Variants in CALN1 observed in about 807,000 individuals in gnomAD.
The protein encoded by CALN1 is calcium-binding protein 8.
CALN1 carries 17 observed loss-of-function variants against 30.6 expected under a neutral mutation model. The observed-to-expected ratio is 0.56, with a 90% CI of 0.38 to 0.83. The LOEUF (loss-of-function observed/expected upper bound fraction) is 0.83. Among genes scored for constraint, CALN1 ranks in the 40% least tolerant of loss-of-function variants. The pLI is 0.00. For synonymous variants in CALN1, 156 were observed against 131.4 expected (o/e 1.19, Z -1.28); for missense variants, 291 against 354.9 (o/e 0.82, Z 1.45).
Position 72,295,241 on chromosome 7 carries a change from AT to A in CALN1, c.120-16432del, listed in dbSNP as rs752813446. 4.7e-4 allele frequency among the ~76,000 whole-genome samples: 71 copies of A among 152,214 alleles called. 1 individual carries two copies. The highest frequency in any genetic ancestry group is 8.2e-4 in the Non-Finnish European group (56 of 68,028). ...AAATATTTCCTAGGTCAATGTTTAA[AT>A]TAAAGTTATAATTACGGGCTATCTT... On this transcript the variant is annotated intron_variant, in intron 2 of 6. Coordinates refer to ENST00000395275, the MANE Select transcript of CALN1 (RefSeq NM_031468.4).
the CALN1 span, among the ~76,000 whole-genome samples, chr7:72,487,734 A>AAAGAAAGAAAGAAAGAAAGAAAGG: frequency 3.5e-5 from 2 of 56,622 alleles, no homozygotes; most frequent in African/African-American, 2.2e-4. Context: ...AGAAAGAAAG[A>AAAGAAAGAAAGAAAGAAAGAAAGG]AAGGAAGGAA....
chr7:72,428,631 G>A (rs1273768912), intron 1 of CALN1, among the ~76,000 whole-genome samples: 1 of 152,086 alleles, frequency 6.6e-6, no homozygotes, highest in African/African-American at 2.4e-5. Context: ...TGCTGCTGGC[G>A]TGAGGCCAGA....
intron 3 of CALN1, among the ~76,000 whole-genome samples, chr7:72,180,598 CT>C (rs1302000058): frequency 1.0e-4 from 9 of 85,754 alleles, no homozygotes; most frequent in Admixed American, 6.6e-4. Flanking sequence ...ACTGTTTATG[CT>C]TTTTTTTCTT....
chr7:72,269,180 C>T (rs1364217955), intron 3 of CALN1, among the ~76,000 whole-genome samples: 1 of 152,134 alleles, frequency 6.6e-6, no homozygotes, highest in Admixed American at 6.5e-5. Context: ...CTGGTTGAAG[C>T]CTATGTTATC....
intron 2 of CALN1, among the ~76,000 whole-genome samples, chr7:72,318,649 T>A (rs1800654120): frequency 6.8e-6 from 1 of 146,004 alleles, no homozygotes. Flanking sequence ...CAAGCAATCC[T>A]CCTGCCTCAG....
At chr7:72,038,730 G>C (rs1034358404) in intron 4 of CALN1, among the ~76,000 whole-genome samples, 19 of 152,294 alleles carry the variant, frequency 1.2e-4, no homozygotes, top group Admixed American at 1.0e-3. Context: ...GGCAACGAGA[G>C]TGACCTCTGG....
intron 2 of CALN1, among the ~76,000 whole-genome samples, chr7:72,397,857 T>C (rs1338616227): frequency 6.6e-6 from 1 of 152,056 alleles, no homozygotes; most frequent in Non-Finnish European, 1.5e-5. Flanking sequence ...CCATTGATCA[T>C]GCCTAGCCCT....
intron 4 of CALN1, among the ~76,000 whole-genome samples, chr7:72,039,501 G>A (rs986925235): frequency 2.0e-5 from 3 of 152,180 alleles, no homozygotes; most frequent in Non-Finnish European, 4.4e-5. Flanking sequence ...ATTCCGTGCA[G>A]GCTACTAATC....
intron 4 of CALN1, among the ~76,000 whole-genome samples, chr7:72,059,721 C>T (rs1803518253): frequency 6.6e-6 from 1 of 152,090 alleles, no homozygotes; most frequent in African/African-American, 2.4e-5. Context: ...TTTATAATCC[C>T]AGTCCTCCTG....
At chr7:72,318,839 AG>A (rs66708802) in intron 2 of CALN1, among the ~76,000 whole-genome samples, 147,877 of 149,532 alleles carry the variant, frequency 0.99, 73,135 homozygotes, top group Middle Eastern at 1. Flanking sequence ...GGCATGTGTC[AG>A]GAATGGCTAT....
At chr7:72,437,779 CT>C (rs1356180994) in intron 1 of CALN1, among the ~76,000 whole-genome samples, 3 of 135,548 alleles carry the variant, frequency 2.2e-5, no homozygotes, top group Non-Finnish European at 4.7e-5. Flanking sequence ...TCTTTCCTTC[CT>C]CCCTTCCTTC....
chr7:72,446,704 G>C (rs1231870177), intron 1 of CALN1, among the ~76,000 whole-genome samples: 1 of 152,142 alleles, frequency 6.6e-6, no homozygotes, highest in Non-Finnish European at 1.5e-5. Flanking sequence ...TCTCCAAGGG[G>C]AAAGGACCCG....
intron 3 of CALN1, among the ~76,000 whole-genome samples, chr7:72,252,879 T>TAA (rs1320454960): frequency 6.6e-6 from 1 of 152,184 alleles, no homozygotes. Context: ...TCCTGGACCT[T>TAA]AAAACTGTGC....
At chr7:71,862,424 G>A (rs969210443) in intron 5 of CALN1, among the ~76,000 whole-genome samples, 3 of 152,138 alleles carry the variant, frequency 2.0e-5, no homozygotes, top group Admixed American at 6.5e-5. Flanking sequence ...TAAGTCTCAC[G>A]AGATCTGATG....
chr7:72,351,690 C>T (rs1802931671), intron 2 of CALN1, among the ~76,000 whole-genome samples: 1 of 152,078 alleles, frequency 6.6e-6, no homozygotes, highest in African/African-American at 2.4e-5. Context: ...CAAAGAGATA[C>T]AGCAAATAAG....
chr7:72,069,658 A>G (rs1488955143), intron 4 of CALN1, among the ~76,000 whole-genome samples: 4 of 151,974 alleles, frequency 2.6e-5, no homozygotes, highest in Non-Finnish European at 5.9e-5. Flanking sequence ...ATCCAGGATA[A>G]TCTCCCCCCA....
At chr7:72,079,177 G>C (rs894305098) in intron 4 of CALN1, among the ~76,000 whole-genome samples, 1 of 152,184 alleles carries the variant, frequency 6.6e-6, no homozygotes, top group Non-Finnish European at 1.5e-5. Context: ...ATGCAAAGCC[G>C]AGTAAAGCAA....
chr7:71,795,964 A>G (rs951009053), intron 6 of CALN1, among the ~76,000 whole-genome samples: 2 of 146,678 alleles, frequency 1.4e-5, no homozygotes, highest in Non-Finnish European at 1.5e-5. Context: ...GACTACAGGC[A>G]CCCGCCACCA....
chr7:72,148,141 ACAG>A (rs1187239958), intron 3 of CALN1, among the ~76,000 whole-genome samples: 23 of 138,716 alleles, frequency 1.7e-4, no homozygotes, highest in Admixed American at 8.7e-4. Flanking sequence ...AAACAAACAA[ACAG>A]AAAAAAAAAA....
Sources: gnomAD v4.1 joint callset for allele counts (sites outside exome capture counted in the v4.1 genomes callset) on GRCh38, gnomAD v4.1.1 for gene constraint, MANE v1.5 for transcripts, NCBI Gene and HGNC (gene_info 2026-07-23, HGNC 2026-07-21) for gene names.